Variants in ERG observed in about 807,000 individuals in gnomAD.
ERG encodes the protein ETS transcription factor ERG.
In ERG, 9 loss-of-function variants were observed where a neutral mutation model predicts 55.3. That is an observed-to-expected ratio of 0.16 (90% CI 0.10 to 0.28). The LOEUF (loss-of-function observed/expected upper bound fraction) is 0.28, where lower values mean the gene tolerates loss of function less well. Ranked by LOEUF, ERG falls within the 10% of genes least tolerant of loss-of-function variation. The pLI, the probability that ERG is intolerant of heterozygous loss-of-function variation, is 1.00. For missense variants in ERG, 434 were observed against 631.6 expected, an observed-to-expected ratio of 0.69 and a Z score of 3.35; for synonymous variants, 223 against 237.3, an observed-to-expected ratio of 0.94 and a Z score of 0.55.
intron 1 of ERG, among the ~76,000 whole-genome samples, chr21:38,652,864 CTTG>C (rs1188488424): frequency 6.6e-6 from 1 of 152,216 alleles, no homozygotes; most frequent in Non-Finnish European, 1.5e-5. Context: ...GGATGCCACT[CTTG>C]TTGGTGTGTG....
chr21:38,517,791 T>C (rs1568875224), intron 2 of ERG, among the ~76,000 whole-genome samples: 1 of 152,002 alleles, frequency 6.6e-6, no homozygotes, highest in East Asian at 1.9e-4. Flanking sequence ...AATAAGGAAA[T>C]CATGTCACTT....
intron 1 of ERG, among the ~76,000 whole-genome samples, chr21:38,658,499 C>T (rs1367776417): frequency 6.6e-6 from 1 of 152,092 alleles, no homozygotes; most frequent in African/African-American, 2.4e-5. Context: ...AACATTAGCT[C>T]TTCTGTTTTG....
intron 1 of ERG, chr21:38,450,952 T>C (rs1206390945): frequency 2.2e-6 from 1 of 452,382 alleles, no homozygotes; most frequent in Non-Finnish European, 4.4e-6. Context: ...ACATCAACAG[T>C]GAGGATGAGG....
intron 2 of ERG, among the ~76,000 whole-genome samples, chr21:38,541,537 CA>C (rs894736125): frequency 6.6e-6 from 1 of 151,972 alleles, no homozygotes; most frequent in African/African-American, 2.4e-5. Flanking sequence ...AAATTTATCT[CA>C]AAAAACAATC....
At chr21:38,522,129 G>A in intron 2 of ERG, among the ~76,000 whole-genome samples, 1 of 152,094 alleles carries the variant, frequency 6.6e-6, no homozygotes, top group East Asian at 1.9e-4. Flanking sequence ...TTTTTCGTAA[G>A]TGGTCCCCTT....
At chr21:38,647,537 GA>G (rs1396317538) in intron 1 of ERG, among the ~76,000 whole-genome samples, 1 of 151,662 alleles carries the variant, frequency 6.6e-6, no homozygotes, top group African/African-American at 2.4e-5. Flanking sequence ...GGACAATTAG[GA>G]AAAAAAATCA....
intron 1 of ERG, chr21:38,660,661 G>A (rs565184904): frequency 2.6e-4 from 39 of 152,118 alleles, no homozygotes; most frequent in Middle Eastern, 3.4e-3. Context: ...GCGCCGACGG[G>A]CTCAGCCCAT....
chr21:38,486,394 G>A (rs567820860), intron 1 of ERG, among the ~76,000 whole-genome samples: 1 of 152,274 alleles, frequency 6.6e-6, no homozygotes, highest in African/African-American at 2.4e-5. Context: ...GTGTGCAGCC[G>A]GCTATGCCAT....
the ERG span, among the ~76,000 whole-genome samples, chr21:38,371,076 T>C: frequency 6.6e-6 from 1 of 152,244 alleles, no homozygotes; most frequent in East Asian, 1.9e-4. Context: ...GCTTACGTTG[T>C]CTTTAATGTT....
intron 1 of ERG, among the ~76,000 whole-genome samples, chr21:38,653,251 C>T (rs1471137777): frequency 6.6e-6 from 1 of 152,230 alleles, no homozygotes; most frequent in African/African-American, 2.4e-5. Context: ...AAGTCTTACA[C>T]AGAACATAAG....
chr21:38,547,447 G>C (rs1248223582), intron 2 of ERG, among the ~76,000 whole-genome samples: 1 of 152,122 alleles, frequency 6.6e-6, no homozygotes, highest in Non-Finnish European at 1.5e-5. Flanking sequence ...ATTCTCACAA[G>C]ACAAGAGGGA....
chr21:38,368,847 T>G, the ERG span, among the ~76,000 whole-genome samples: 1 of 152,184 alleles, frequency 6.6e-6, no homozygotes, highest in East Asian at 1.9e-4. Flanking sequence ...AGCTCCCACT[T>G]ATAAGTGAGA....
chr21:38,481,384 A>AT (rs2059237142), intron 1 of ERG, among the ~76,000 whole-genome samples: 1 of 152,232 alleles, frequency 6.6e-6, no homozygotes, highest in African/African-American at 2.4e-5. Context: ...TTCTTAAATG[A>AT]TTAAAGAAAC....
intron 1 of ERG, among the ~76,000 whole-genome samples, chr21:38,472,246 A>G (rs568774101): frequency 3.7e-4 from 56 of 152,322 alleles, no homozygotes; most frequent in African/African-American, 1.2e-3. Context: ...ACGGTGCACT[A>G]TTATTGTATG....
chr21:38,490,594 G>A (rs2059327006), intron 1 of ERG, among the ~76,000 whole-genome samples: 1 of 152,188 alleles, frequency 6.6e-6, no homozygotes, highest in African/African-American at 2.4e-5. Context: ...ACCCCTCCCC[G>A]GTTTGAAGAT....
At chr21:38,653,262 G>A (rs995706224) in intron 1 of ERG, among the ~76,000 whole-genome samples, 3 of 152,160 alleles carry the variant, frequency 2.0e-5, no homozygotes, top group Admixed American at 6.5e-5. Flanking sequence ...AGAACATAAG[G>A]CAAAAACATG....
intron 2 of ERG, among the ~76,000 whole-genome samples, chr21:38,429,768 A>AC: frequency 7.1e-6 from 1 of 140,292 alleles, no homozygotes; most frequent in African/African-American, 2.6e-5. Context: ...CACACACCAC[A>AC]TTTTCTTTAT....
chr21:38,619,988 C>T (rs1328864534), intron 1 of ERG, among the ~76,000 whole-genome samples: 1 of 152,214 alleles, frequency 6.6e-6, no homozygotes, highest in East Asian at 1.9e-4. Flanking sequence ...ACTCGAAATG[C>T]TTTGCACACT....
At chr21:38,490,769 G>A (rs1051839162) in intron 1 of ERG, among the ~76,000 whole-genome samples, 1 of 152,200 alleles carries the variant, frequency 6.6e-6, no homozygotes, top group Admixed American at 6.5e-5. Context: ...TCAAACTAAA[G>A]CTCCGGGCCA....
Sources: allele counts gnomAD v4.1 joint callset (sites outside exome capture counted in the v4.1 genomes callset), GRCh38; gene constraint gnomAD v4.1.1; transcripts MANE v1.5; gene names NCBI Gene and HGNC (gene_info 2026-07-23, HGNC 2026-07-21).